The following LSG1 variants were observed in gnomAD, a reference collection of about 807,000 sequenced individuals.
LSG1 encodes the protein large subunit GTPase 1 homolog.
LSG1 carries 55 observed loss-of-function variants against 82.6 expected under a neutral mutation model. That is an observed-to-expected ratio of 0.67 (90% confidence interval 0.54 to 0.83). The LOEUF (loss-of-function observed/expected upper bound fraction) is 0.83. Ranked by LOEUF, LSG1 falls within the 40% of genes least tolerant of loss-of-function variation. LSG1 has a pLI of 0.00. For synonymous variants in LSG1, 272 were observed against 282.5 expected (o/e 0.96, Z 0.37); for missense variants, 809 against 807.9 (o/e 1.00, Z -0.02).
At position 194,645,583 on chromosome 3, in the gene LSG1, C is replaced by G. The variant is rs868074815; in HGVS notation, c.1623+581G>C. On this transcript the variant is annotated intron_variant, in intron 12 of 13. Transcript: ENST00000265245. The stretch of plus-strand genomic sequence containing the variant: ...ACACACACACACAGACAGACACACA[C>G]ACACACACACACACACACACACACA... Among the ~76,000 whole-genome samples the G allele has an allele frequency of 1.3e-3, 89 of 68,348 alleles. 4 individuals are homozygous for G. The highest frequency in any genetic ancestry group is 1.6e-3 in the African/African-American group (29 of 18,708). 44.8% of individuals were successfully genotyped at this position (68,348 alleles called of 152,430 possible).
At chr3:194,649,713 A>G (rs1280313791) in intron 10 of LSG1, among the ~76,000 whole-genome samples, 1 of 151,710 alleles carries the variant, frequency 6.6e-6, no homozygotes, top group Non-Finnish European at 1.5e-5. Context: ...AAAGCTATAC[A>G]CTTTTTCATA....
chr3:194,660,222 G>T lies in LSG1; in HGVS notation c.522-89C>A. The stretch of plus-strand genomic sequence containing the variant: ...ATAATGGCCAGAGTAGCAAACCCTG[G>T]CAATATATTAAGCACTGGACATATA... On this transcript the variant is annotated intron_variant, in intron 5 of 13. Coordinates refer to ENST00000265245, the MANE Select transcript of LSG1 (RefSeq NM_018385.3). The T allele has an allele frequency of 4.0e-6, 4 of 990,664 alleles. No homozygotes were observed. In the South Asian group the frequency reaches 5.2e-5, roughly 13 times the overall value. The allele number at this position is 990,664 out of a possible 1,614,324, so 61.4% of individuals were successfully genotyped here.
In LSG1 at chr3:194,645,535, G is replaced by GACACAC. The variant is rs61447438; in HGVS notation, c.1623+623_1623+628dup. On this transcript the variant is annotated intron_variant, in intron 12 of 13. Coordinates refer to ENST00000265245, the MANE Select transcript of LSG1 (RefSeq NM_018385.3). Reference sequence around the variant, plus strand: ...ACACACACACACACACACACAGACAGACACACACACACACACACACACACA... The same window carrying GACACAC: ...ACACACACACACACACACACAGACAGACACACACACACACACACACACACACACACA... 16 of 34,994 alleles carry GACACAC rather than the reference G, an allele frequency of 4.6e-4. 1 individual carries two copies. Among genetic ancestry groups the GACACAC allele is most frequent in the African/African-American group, 1.3e-3 (14 of 10,454 alleles). The allele number at this position is 34,994 out of a possible 1,614,324, so 2.2% of individuals were successfully genotyped here. A position where few individuals can be genotyped will look rare whatever the true frequency, so the allele number is the denominator to read the frequency against.
intron 5 of LSG1, among the ~76,000 whole-genome samples, chr3:194,662,600 T>A (rs1718955639): frequency 6.6e-6 from 1 of 152,090 alleles, no homozygotes; most frequent in African/African-American, 2.4e-5. Context: ...CCGTCTCTAC[T>A]AAAAATACAA....
intron 2 of LSG1, among the ~76,000 whole-genome samples, chr3:194,669,708 C>T (rs1002124170): frequency 1.4e-4 from 22 of 152,088 alleles, no homozygotes; most frequent in Admixed American, 5.9e-4. Context: ...CCAAGGAAGG[C>T]GAATCACGAG....
intron 5 of LSG1, among the ~76,000 whole-genome samples, chr3:194,661,301 T>C (rs537127118): frequency 6.6e-6 from 1 of 152,254 alleles, no homozygotes; most frequent in Admixed American, 6.5e-5. Flanking sequence ...TATTTAATAG[T>C]GAATGAAAAA....
intron 12 of LSG1, chr3:194,645,390 C>T (rs931364129): frequency 7.2e-5 from 11 of 152,230 alleles, no homozygotes; most frequent in African/African-American, 2.4e-4. Context: ...GCCAAATCCT[C>T]ACAACTGGTT....
intron 5 of LSG1, among the ~76,000 whole-genome samples, chr3:194,663,118 G>A (rs931358872): frequency 1.3e-5 from 2 of 152,168 alleles, no homozygotes; most frequent in Non-Finnish European, 2.9e-5. Context: ...GAAGATGGAG[G>A]GTGCTGTCCT....
At chr3:194,670,173 CTTCTGCTCTT>C (rs1719116476) in intron 1 of LSG1, 38 bp from the exon 2 acceptor site, 4 of 1,609,056 alleles carry the variant, frequency 2.5e-6, no homozygotes, top group Non-Finnish European at 3.4e-6. Context: ...CAGCTGCTCT[CTTCTGCTCTT>C]GGCATCCAAT....
At position 194,658,998 on chromosome 3, in the gene LSG1, A is replaced by G. The variant is rs1718865305; in HGVS notation, c.718T>C (p.Ser240Pro). 5.6e-6 allele frequency: 9 copies of G among 1,614,106 alleles called. No individual in the cohort carries two copies. Among genetic ancestry groups the G allele is most frequent in the Non-Finnish European group, 7.6e-6 (9 of 1,180,034 alleles). ...EKEDVKVIFW[S>P]ALAGAIPLNG... ...AGGGGAATGGCTCCGGCCAAAGCTG[A>G]CCAGAAAATAACCTTCACATCTTCT... Residue 240 changes from serine to proline, a missense_variant, in exon 7 of 14, where the codon TCA becomes CCA. Ser to Pro is a moderately conservative substitution (Grantham distance 74). Transcript: ENST00000265245.
chr3:194,642,870 T>C (rs919231221), intron 13 of LSG1, among the ~76,000 whole-genome samples: 2 of 152,212 alleles, frequency 1.3e-5, no homozygotes, highest in Non-Finnish European at 2.9e-5. Flanking sequence ...TAATTCAAAC[T>C]AGGAGCTACA....
intron 7 of LSG1, among the ~76,000 whole-genome samples, chr3:194,658,235 C>T (rs562890813): frequency 2.0e-5 from 3 of 152,242 alleles, no homozygotes; most frequent in South Asian, 4.2e-4. Context: ...ACAACCTCCG[C>T]CTCCCAGGTT....
At position 194,648,824 on chromosome 3, in the gene LSG1, A is replaced by G; in HGVS notation, c.1420-20T>C. On this transcript the variant is annotated intron_variant, in intron 10 of 13. Coordinates refer to ENST00000265245, the MANE Select transcript of LSG1 (RefSeq NM_018385.3). ...GCAAACGTAGCTTGTCAGGGAATCCATTCTCTTGAACGGACTCCCTCCTCC... is the reference window on the plus strand; with the variant it reads ...GCAAACGTAGCTTGTCAGGGAATCCGTTCTCTTGAACGGACTCCCTCCTCC... 1 of 1,613,708 alleles carries G rather than the reference A, an allele frequency of 6.2e-7. No individual in the cohort carries two copies. Among genetic ancestry groups the G allele is most frequent in the Non-Finnish European group, 8.5e-7 (1 of 1,179,782 alleles).
chr3:194,649,867 T>G (rs981856942), intron 10 of LSG1, among the ~76,000 whole-genome samples: 1 of 152,092 alleles, frequency 6.6e-6, no homozygotes, highest in Non-Finnish European at 1.5e-5. Context: ...TAGACTAACT[T>G]ATTAGCTTAT....
At position 194,660,146 on chromosome 3, in the gene LSG1, C is replaced by G; in HGVS notation, c.522-13G>C. Reference sequence around the variant, plus strand: ...GACCACAATATCACTGAAAAACAAACACGAGATAGACCAATCACCGTGAAG... The same window carrying G: ...GACCACAATATCACTGAAAAACAAAGACGAGATAGACCAATCACCGTGAAG... On this transcript the variant is annotated splice_polypyrimidine_tract_variant and intron_variant, in intron 5 of 13. Coordinates refer to ENST00000265245, the MANE Select transcript of LSG1 (RefSeq NM_018385.3). 1 of 1,610,562 alleles carries G rather than the reference C, an allele frequency of 6.2e-7. No individual in the cohort carries two copies. Among genetic ancestry groups the G allele is most frequent in the Non-Finnish European group, 8.5e-7 (1 of 1,176,792 alleles).
intron 7 of LSG1, among the ~76,000 whole-genome samples, chr3:194,655,645 T>C (rs987913010): frequency 6.6e-6 from 1 of 152,144 alleles, no homozygotes; most frequent in Non-Finnish European, 1.5e-5. Context: ...TTATTATTGG[T>C]ATATTCTTGT....
intron 7 of LSG1, 96 bp downstream of exon 7, chr3:194,658,861 A>G: frequency 1.6e-6 from 2 of 1,242,184 alleles, no homozygotes; most frequent in Non-Finnish European, 2.3e-6. Context: ...ATTCCCACAG[A>G]TTTTCCATAA....
Position 194,658,880 on chromosome 3 carries a change from A to G in LSG1, c.759+77T>C, listed in dbSNP as rs906737494. Reference sequence around the variant, plus strand: ...CCACAGATTTTCCATAAGAATAAACAAAACACAAACGAAGCACATTAACAA... The same window carrying G: ...CCACAGATTTTCCATAAGAATAAACGAAACACAAACGAAGCACATTAACAA... On this transcript the variant is annotated intron_variant, in intron 7 of 13. Transcript: ENST00000265245. 4 of 1,398,098 alleles carry G rather than the reference A, an allele frequency of 2.9e-6. No homozygotes were observed. The African/African-American group carries it at 4.3e-5, about 15-fold the overall frequency. 86.6% of individuals were successfully genotyped at this position (1,398,098 alleles called of 1,614,324 possible). A position where few individuals can be genotyped will look rare whatever the true frequency, so the allele number is the denominator to read the frequency against.
intron 3 of LSG1, 56 bp downstream of exon 3, chr3:194,666,396 T>C (rs1339096765): frequency 6.2e-7 from 1 of 1,604,918 alleles, no homozygotes; most frequent in Non-Finnish European, 8.5e-7. Flanking sequence ...ATTTAAAAAA[T>C]GAATACTCAG....
Sources: allele counts gnomAD v4.1 joint callset (sites outside exome capture counted in the v4.1 genomes callset), GRCh38; gene constraint gnomAD v4.1.1; transcripts MANE v1.5; gene names NCBI Gene and HGNC (gene_info 2026-07-23, HGNC 2026-07-21).